The following TMC2 variants were observed in gnomAD, a reference collection of about 807,000 sequenced individuals.
The protein encoded by TMC2 is transmembrane channel-like protein 2.
Under a neutral mutation model 105.9 loss-of-function variants are expected in TMC2, and 102 were observed. The observed-to-expected ratio is 0.96, with a 90% CI of 0.82 to 1.14. TMC2 has a LOEUF of 1.14. Ranked by LOEUF, TMC2 falls within the 50% of genes most tolerant of loss-of-function variation. The pLI, the probability that TMC2 is intolerant of heterozygous loss-of-function variation, is 0.00. For synonymous variants in TMC2, 402 were observed against 422.8 expected (o/e 0.95, Z 0.60); for missense variants, 1,093 against 1,134.3 (o/e 0.96, Z 0.52).
rs966598070 is a variant in TMC2 at position 2,609,621 on chromosome 20, G to A, written c.1414-798G>A. Among the ~76,000 whole-genome samples, 3 of 152,130 alleles carry A rather than the reference G, an allele frequency of 2.0e-5. No individual in the cohort carries two copies. In the East Asian group the frequency reaches 5.8e-4, roughly 29 times the overall value. On this transcript the variant is annotated intron_variant, in intron 11 of 19. Transcript: ENST00000358864. ...GAGGCAGTGGAATTTTGTGGCAAAG[G>A]CAGGAATTAGGCTGAACACTACACA...
At chr20:2,543,001 C>G (rs181974869) in intron 2 of TMC2, among the ~76,000 whole-genome samples, 206 of 152,158 alleles carry the variant, frequency 1.4e-3, no homozygotes, top group African/African-American at 4.6e-3. Context: ...CTTTGGGAGG[C>G]CAAGGTGGGC....
chr20:2,617,367 G>C, intron 16 of TMC2, 56 bp downstream of exon 16: 2 of 1,601,802 alleles, frequency 1.2e-6, no homozygotes, highest in East Asian at 4.5e-5. Flanking sequence ...TCTGCTCAGA[G>C]GGCCTCGGCC....
intron 2 of TMC2, among the ~76,000 whole-genome samples, chr20:2,552,585 G>A (rs1227294536): frequency 6.6e-6 from 1 of 151,934 alleles, no homozygotes; most frequent in African/African-American, 2.4e-5. Flanking sequence ...GCACAATCTC[G>A]GCTCACTGCA....
chr20:2,565,400 T>C (rs2086056595), intron 4 of TMC2, among the ~76,000 whole-genome samples: 1 of 152,136 alleles, frequency 6.6e-6, no homozygotes, highest in African/African-American at 2.4e-5. Flanking sequence ...CTGCACTGTT[T>C]TTTTGTTTGT....
At chr20:2,604,100 C>T (rs2086371427) in intron 11 of TMC2, among the ~76,000 whole-genome samples, 1 of 152,226 alleles carries the variant, frequency 6.6e-6, no homozygotes, top group Admixed American at 6.5e-5. Context: ...CATTCAGGCA[C>T]TGGCCAGCAG....
chr20:2,633,623 TA>T (rs1277103087), intron 17 of TMC2, among the ~76,000 whole-genome samples: 7 of 152,210 alleles, frequency 4.6e-5, no homozygotes, highest in African/African-American at 1.7e-4. Flanking sequence ...AACCACTGGA[TA>T]AATCAAATAA....
Position 2,617,186 on chromosome 20 carries a change from G to A in TMC2, c.2055G>A (p.Val685=), listed in dbSNP as rs41274444. ...VMSSNVPHER[V]FKASRSNNFY... ...GCAGCAACGTACCCCATGAACGCGT[G>A]TTCAAAGCCTCCCGATCCAACAACT... is the stretch of plus-strand genomic sequence containing the variant. The change falls in exon 16 of 20, where the codon GTG becomes GTA. Residue 685 remains valine (V), a synonymous_variant. Transcript: ENST00000358864. 5.0e-6 allele frequency: 8 copies of A among 1,614,222 alleles called. No homozygotes were observed. Among genetic ancestry groups the A allele is most frequent in the Non-Finnish European group, 5.9e-6 (7 of 1,180,050 alleles).
rs1391637248 is a variant in TMC2 at position 2,605,408 on chromosome 20, T to G, written c.1413+3107T>G. 3.3e-5 allele frequency among the ~76,000 whole-genome samples: 5 copies of G among 152,224 alleles called. 1 individual carries two copies. In the East Asian group the frequency reaches 9.6e-4, roughly 29 times the overall value. ...AGGAGTTGGCAGGTTTGCTTTCCCCTGAGGCTTGCAGGTGTCTGTCTTCTC... is the reference window on the plus strand; with the variant it reads ...AGGAGTTGGCAGGTTTGCTTTCCCCGGAGGCTTGCAGGTGTCTGTCTTCTC... On this transcript the variant is annotated intron_variant, in intron 11 of 19. Coordinates refer to ENST00000358864, the MANE Select transcript of TMC2 (RefSeq NM_080751.3).
chr20:2,537,661 A>G (rs548630307), intron 2 of TMC2, among the ~76,000 whole-genome samples: 2 of 151,984 alleles, frequency 1.3e-5, no homozygotes, highest in African/African-American at 4.8e-5. Flanking sequence ...AGGCCCCCGG[A>G]CTCTAGGAGG....
intron 17 of TMC2, among the ~76,000 whole-genome samples, chr20:2,628,632 C>CA (rs2086580932): frequency 6.6e-6 from 1 of 152,164 alleles, no homozygotes; most frequent in Non-Finnish European, 1.5e-5. Context: ...GGGCTCTTCC[C>CA]ACTTTGCTCG....
At chr20:2,600,441 G>T (rs992108971) in intron 10 of TMC2, among the ~76,000 whole-genome samples, 5 of 152,162 alleles carry the variant, frequency 3.3e-5, no homozygotes, top group Non-Finnish European at 7.3e-5. Flanking sequence ...ACTTTGGGAG[G>T]CTGAGACAGG....
chr20:2,606,891 C>CTTTTTTTT (rs11476357), intron 11 of TMC2, among the ~76,000 whole-genome samples: 46 of 83,962 alleles, frequency 5.5e-4, no homozygotes, highest in East Asian at 6.8e-4. Context: ...TTTCTTTTTT[C>CTTTTTTTT]TTTTTTTTTT....
rs2086690948 is a variant in TMC2, at chr20:2,641,674, C to T, written c.*323C>T. 3.4e-5 allele frequency: 10 copies of T among 297,034 alleles called. No individual in the cohort carries two copies. The East Asian group carries it at 6.5e-4, about 19-fold the overall frequency. The allele number at this position is 297,034 out of a possible 1,614,324, so 18.4% of individuals were successfully genotyped here. On this transcript the variant is annotated 3_prime_UTR_variant, in exon 20 of 20. Transcript: ENST00000358864. ...TTTCGGAGTTGGGGAAGGGCCATGA[C>T]CACCCTCGTAGACTTTTTCCATGGG...
chr20:2,544,968 G>A (rs1253086748), intron 2 of TMC2, among the ~76,000 whole-genome samples: 1 of 151,506 alleles, frequency 6.6e-6, no homozygotes, highest in African/African-American at 2.4e-5. Context: ...GGCAGAGGCA[G>A]GAGGATCACT....
intron 11 of TMC2, among the ~76,000 whole-genome samples, chr20:2,604,047 G>A (rs962270500): frequency 6.6e-5 from 10 of 152,254 alleles, no homozygotes; most frequent in South Asian, 4.1e-4. Flanking sequence ...CGATGGCTCC[G>A]GAGACCAACA....
At position 2,558,835 on chromosome 20, in the gene TMC2, T is replaced by TC. The variant is rs2086004151; in HGVS notation, c.401+65dup. 40 of 1,457,558 alleles carry TC rather than the reference T, an allele frequency of 2.7e-5. No homozygotes were observed. The South Asian group carries it at 5.2e-4, about 19-fold the overall frequency. The allele number at this position is 1,457,558 out of a possible 1,614,324, so 90.3% of individuals were successfully genotyped here. A position where few individuals can be genotyped will look rare whatever the true frequency, so the allele number is the denominator to read the frequency against. ...CGCGCTCCCGCTCCTTCGCGGCCCTTCCCCTTCCCCCGTGAGGGACTGATG... is the reference window on the plus strand; with the variant it reads ...CGCGCTCCCGCTCCTTCGCGGCCCTTCCCCCTTCCCCCGTGAGGGACTGATG... On this transcript the variant is annotated intron_variant, in intron 3 of 19. Coordinates refer to ENST00000358864, the MANE Select transcript of TMC2 (RefSeq NM_080751.3). This position sits in a 1 kb window ranked among gnomAD's most constrained non-coding sequence, Gnocchi z 4.6.
chr20:2,630,721 G>A (rs972716962), intron 17 of TMC2, among the ~76,000 whole-genome samples: 6 of 152,136 alleles, frequency 3.9e-5, no homozygotes, highest in African/African-American at 9.7e-5. Context: ...CTTGGGAGGC[G>A]ACAAAGGTGG....
At chr20:2,617,759 G>A (rs13040075) in intron 16 of TMC2, 14,995 of 170,274 alleles carry the variant, frequency 0.088, 942 homozygotes, top group East Asian at 0.31. Context: ...CACCCAGGCT[G>A]GAGTGCAGTG....
chr20:2,564,150 CT>C (rs71193976), intron 4 of TMC2, among the ~76,000 whole-genome samples: 127 of 120,052 alleles, frequency 1.1e-3, no homozygotes, highest in South Asian at 3.1e-3. Context: ...TCAGCCTCCT[CT>C]TTTTTTTTTT....
Sources: allele counts gnomAD v4.1 joint callset (sites outside exome capture counted in the v4.1 genomes callset), GRCh38; gene constraint gnomAD v4.1.1; non-coding constraint Gnocchi (gnomAD v3.1); transcripts MANE v1.5; gene names NCBI Gene and HGNC (gene_info 2026-07-23, HGNC 2026-07-21).